Variants in KIF27 observed in about 807,000 individuals in gnomAD.
KIF27 encodes kinesin family member 27.
Under a neutral mutation model 141.8 loss-of-function variants are expected in KIF27, and 84 were observed. The ratio of observed to expected loss-of-function variants is 0.59; its 90% CI spans 0.50 to 0.71. The LOEUF is 0.71. Among genes scored for constraint, KIF27 ranks in the 30% least tolerant of loss-of-function variants. The pLI is 0.00. For missense variants in KIF27, 1,306 were observed against 1,628.4 expected, an observed-to-expected ratio of 0.80 and a Z score of 3.41; for synonymous variants, 471 against 569.5, an observed-to-expected ratio of 0.83 and a Z score of 2.46.
chr9:83,859,876 A>G (rs1040195312), intron 13 of KIF27: 6 of 152,030 alleles, frequency 3.9e-5, no homozygotes, highest in African/African-American at 1.5e-4. Context: ...GCCTTTTAAA[A>G]AAAAAAAGTC....
intron 5 of KIF27, among the ~76,000 whole-genome samples, chr9:83,895,172 G>C (rs1253396763): frequency 6.7e-6 from 1 of 149,526 alleles, no homozygotes; most frequent in Non-Finnish European, 1.5e-5. Context: ...TGAGGCAGGA[G>C]AATGGCATGA....
In KIF27 at chr9:83,903,185, T is replaced by C. The variant is rs915767148; in HGVS notation, c.1333A>G (p.Met445Val). ...ACAGCCTTCCTGACCTCTTGGATCA[T>C]GTTAAACCACTCCTGCAGTTTGTGT... ...QQHKLQEWFN[M>V]IQEVRKAVLT... is the part of the protein sequence containing the mutation. Residue 445 changes from methionine (M) to valine (V), a missense_variant, in exon 4 of 18, where the codon ATG (methionine) becomes GTG (valine). This residue lies in a region of KIF27 where 533 missense variants were observed against 565.6 expected (regional missense o/e 0.94). Coordinates refer to ENST00000297814, the MANE Select transcript of KIF27 (RefSeq NM_017576.4). The C allele has an allele frequency of 5.0e-6, 8 of 1,614,080 alleles. No homozygotes were observed. In the African/African-American group the frequency reaches 8.0e-5, roughly 16 times the overall value.
chr9:83,897,041 C>G (rs1396592032), intron 5 of KIF27, among the ~76,000 whole-genome samples: 1 of 151,916 alleles, frequency 6.6e-6, no homozygotes, highest in Non-Finnish European at 1.5e-5. Context: ...ATAAAAAAAT[C>G]ATTGAATTGT....
At position 83,844,259 on chromosome 9, in the gene KIF27, C is replaced by G. The variant is rs551564351; in HGVS notation, c.3557-1858G>C. Among the ~76,000 whole-genome samples the G allele has an allele frequency of 6.0e-3, 917 of 151,766 alleles. 10 individuals carry two copies. The highest frequency in any genetic ancestry group is 0.021 in the African/African-American group (870 of 41,346). On this transcript the variant is annotated intron_variant, in intron 16 of 17. Transcript: ENST00000297814. ...AGCTTGCAGACAGCCTACTGTGGGA[C>G]CTTGTGATTGTGTAAGTTAATAATA...
intron 14 of KIF27, among the ~76,000 whole-genome samples, chr9:83,857,148 G>A (rs1318839380): frequency 1.3e-5 from 2 of 150,590 alleles, no homozygotes; most frequent in Non-Finnish European, 2.9e-5. Context: ...TTAGTGTAAC[G>A]ATCTAAAATC....
intron 2 of KIF27, among the ~76,000 whole-genome samples, chr9:83,910,208 T>C (rs1224372728): frequency 6.6e-6 from 1 of 151,984 alleles, no homozygotes; most frequent in African/African-American, 2.4e-5. Flanking sequence ...CCAAAGCCAC[T>C]CCACCTCTTG....
intron 15 of KIF27, 48 bp downstream of exon 15, chr9:83,853,581 T>A (rs1462786922): frequency 7.7e-7 from 1 of 1,292,370 alleles, no homozygotes. Context: ...GATGTAAGCA[T>A]CTTGACCCAT....
chr9:83,889,220 G>A lies in KIF27; in HGVS notation c.1843C>T (p.Arg615Ter), dbSNP rs1371528379. The change falls in exon 7 of 18, where the codon CGA becomes TGA. Residue 615 changes from arginine to a stop codon, truncating the protein, a stop_gained. Coordinates refer to ENST00000297814, the MANE Select transcript of KIF27 (RefSeq NM_017576.4). LOFTEE classifies it high-confidence loss of function. ...CGTGTTCGAAATCCAGCAAATATTC[G>A]ATCCAGAGAGTACATAGGCGGACTT... Reference protein sequence around the residue: ...HTSPPMYSLDRIFAGFRTRSQ... With the variant: ...HTSPPMYSLD 46 of 1,613,150 alleles carry A rather than the reference G, an allele frequency of 2.9e-5. No homozygotes were observed. Among genetic ancestry groups the A allele is most frequent in the Non-Finnish European group, 3.4e-5 (40 of 1,179,602 alleles).
intron 1 of KIF27, among the ~76,000 whole-genome samples, chr9:83,917,122 T>C (rs1955779348): frequency 6.6e-6 from 1 of 151,872 alleles, no homozygotes; most frequent in Non-Finnish European, 1.5e-5. Flanking sequence ...CCTAATGCTA[T>C]CCCTCCCCCC....
intron 3 of KIF27, among the ~76,000 whole-genome samples, chr9:83,907,933 A>G (rs1322037495): frequency 6.6e-6 from 1 of 152,208 alleles, no homozygotes; most frequent in African/African-American, 2.4e-5. Flanking sequence ...TCACCTTACC[A>G]ACCAGTCTGA....
At chr9:83,916,906 G>C (rs1318151488) in intron 1 of KIF27, among the ~76,000 whole-genome samples, 2 of 151,908 alleles carry the variant, frequency 1.3e-5, no homozygotes, top group African/African-American at 4.8e-5. Flanking sequence ...CTCGTGATGC[G>C]CCTGTCTTGG....
chr9:83,843,992 T>C lies in KIF27; in HGVS notation c.3557-1591A>G, dbSNP rs540851046. ...ATTGATGCCAAGTATTGAGTGTGTCTGTGAAAGTGTTGCCAAAGGAGGTTA... is the reference window on the plus strand; with the variant it reads ...ATTGATGCCAAGTATTGAGTGTGTCCGTGAAAGTGTTGCCAAAGGAGGTTA... On this transcript the variant is annotated intron_variant, in intron 16 of 17. Transcript: ENST00000297814. Among the ~76,000 whole-genome samples, 59 of 152,300 alleles carry C rather than the reference T, an allele frequency of 3.9e-4. No individual in the cohort carries two copies. The South Asian group carries it at 0.012, about 31-fold the overall frequency.
chr9:83,881,703 T>A (rs1364242338), intron 10 of KIF27, among the ~76,000 whole-genome samples: 1 of 152,250 alleles, frequency 6.6e-6, no homozygotes, highest in African/African-American at 2.4e-5. Flanking sequence ...CTTTGCCATT[T>A]CCAGTACCTA....
At chr9:83,887,569 C>A (rs1440284741) in intron 8 of KIF27, among the ~76,000 whole-genome samples, 1 of 152,114 alleles carries the variant, frequency 6.6e-6, no homozygotes, top group Admixed American at 6.5e-5. Context: ...TTGGAGAATG[C>A]AGACTATACC....
chr9:83,899,547 C>G (rs2780083), intron 5 of KIF27, 114 bp downstream of exon 5: 10 of 781,828 alleles, frequency 1.3e-5, no homozygotes, highest in Non-Finnish European at 1.8e-5. Flanking sequence ...ATGTTCAGAA[C>G]TCTTCAAATG....
At chr9:83,866,653 G>A (rs1950375656) in intron 13 of KIF27, among the ~76,000 whole-genome samples, 1 of 152,046 alleles carries the variant, frequency 6.6e-6, no homozygotes, top group Admixed American at 6.6e-5. Context: ...CAAGATGGGC[G>A]GATCACAAGG....
chr9:83,846,809 CAAT>C (rs1367414630), intron 16 of KIF27, among the ~76,000 whole-genome samples: 5 of 152,134 alleles, frequency 3.3e-5, no homozygotes, highest in African/African-American at 9.7e-5. Context: ...GGAGACACAA[CAAT>C]GATTCCATTA....
At chr9:83,858,940 G>A (rs35123959) in intron 14 of KIF27, 28 of 558,540 alleles carry the variant, frequency 5.0e-5, no homozygotes, top group African/African-American at 9.4e-5. Context: ...TGCCAGGAAG[G>A]GGCCATGTCC....
At chr9:83,874,085 C>T (rs1158018759) in intron 11 of KIF27, among the ~76,000 whole-genome samples, 6 of 151,638 alleles carry the variant, frequency 4.0e-5, no homozygotes, top group Non-Finnish European at 1.5e-5. Flanking sequence ...ACTTCTAATT[C>T]CCTCTTCCAC....
Sources: allele counts gnomAD v4.1 joint callset (sites outside exome capture counted in the v4.1 genomes callset), GRCh38; gene constraint gnomAD v4.1.1; regional missense constraint gnomAD v4.1.1; transcripts MANE v1.5; gene names NCBI Gene and HGNC (gene_info 2026-07-23, HGNC 2026-07-21).